The following ENPEP variants were observed in gnomAD, a reference collection of about 807,000 sequenced individuals.
The protein encoded by ENPEP is AP-A.
ENPEP carries 103 observed loss-of-function variants against 114.5 expected under a neutral mutation model. The observed-to-expected ratio is 0.90, with a 90% CI of 0.77 to 1.06. The LOEUF is 1.06. Ranked by LOEUF, ENPEP falls within the 50% of genes least tolerant of loss-of-function variation. The pLI, the probability that ENPEP is intolerant of heterozygous loss-of-function variation, is 0.00. For missense variants in ENPEP, 1,196 were observed against 1,161.3 expected (o/e 1.03, Z -0.43); for synonymous variants, 420 against 422.0 (o/e 1.00, Z 0.06).
At position 110,488,661 on chromosome 4, in the gene ENPEP, A is replaced by C. The variant is rs1173502506; in HGVS notation, c.765A>C (p.Ala255=). Residue 255 remains alanine (A), a synonymous_variant, in exon 2 of 20, where the codon GCA becomes GCC. Coordinates refer to ENST00000265162, the MANE Select transcript of ENPEP (RefSeq NM_001977.4). ...ISITHPKEYG[A]LSNMPVAKEE... is the part of the protein sequence containing the mutation. ...TCACCCATCCCAAAGAATACGGAGCACTTTCAAATATGCCAGTGGCGGTAA... is the reference window on the plus strand; with the variant it reads ...TCACCCATCCCAAAGAATACGGAGCCCTTTCAAATATGCCAGTGGCGGTAA... The C allele has an allele frequency of 1.2e-6, 2 of 1,611,084 alleles. No homozygotes were observed. The highest frequency in any genetic ancestry group is 2.7e-5 in the African/African-American group (2 of 74,750).
chr4:110,558,378 C>T (rs534714493), intron 18 of ENPEP, among the ~76,000 whole-genome samples: 37 of 151,518 alleles, frequency 2.4e-4, no homozygotes, highest in Non-Finnish European at 3.7e-4. Flanking sequence ...GCCTCGACCT[C>T]CCCAGTTCAA....
At chr4:110,527,257 C>T (rs1157360781) in intron 10 of ENPEP, among the ~76,000 whole-genome samples, 1 of 152,144 alleles carries the variant, frequency 6.6e-6, no homozygotes, top group Non-Finnish European at 1.5e-5. Context: ...TTGAGAAAGC[C>T]GTTGTACTCA....
chr4:110,493,243 T>C (rs2348427), intron 3 of ENPEP, among the ~76,000 whole-genome samples: 90,759 of 152,022 alleles, frequency 0.6, 27,454 homozygotes, highest in African/African-American at 0.68. Context: ...TTTGAAGTGA[T>C]ATAATGAAAA....
At chr4:110,487,236 T>A (rs927891397) in intron 1 of ENPEP, among the ~76,000 whole-genome samples, 3 of 152,246 alleles carry the variant, frequency 2.0e-5, no homozygotes, top group African/African-American at 7.2e-5. Flanking sequence ...AATTTGTTAG[T>A]CCTGCAAAGG....
In ENPEP at chr4:110,542,741, A is replaced by G. The variant is rs1323905942; in HGVS notation, c.1808-10A>G. On this transcript the variant is annotated splice_polypyrimidine_tract_variant and intron_variant, in intron 11 of 19. Transcript: ENST00000265162. ...ACATGTTGCTCATTAGTGTTTATTT[A>G]CTACTACAGGAATCACTTTGAACTC... The G allele has an allele frequency of 6.2e-7, 1 of 1,604,986 alleles. No homozygotes were observed. Among genetic ancestry groups the G allele is most frequent in the South Asian group, 1.1e-5 (1 of 89,594 alleles).
intron 5 of ENPEP, 95 bp from the exon 6 acceptor site, chr4:110,510,150 A>G: frequency 1.0e-6 from 1 of 1,004,296 alleles, no homozygotes; most frequent in African/African-American, 1.6e-5. Context: ...CACAGTGACA[A>G]CATTGGCACG....
At chr4:110,509,972 T>C (rs963480593) in intron 5 of ENPEP, among the ~76,000 whole-genome samples, 165 bp downstream of exon 5, 1 of 152,250 alleles carries the variant, frequency 6.6e-6, no homozygotes, top group Non-Finnish European at 1.5e-5. Context: ...AAAGAGACTT[T>C]GAACCACATT....
intron 3 of ENPEP, among the ~76,000 whole-genome samples, chr4:110,494,360 T>C (rs547756004): frequency 1.3e-5 from 2 of 152,226 alleles, no homozygotes; most frequent in Non-Finnish European, 2.9e-5. Flanking sequence ...CCTTTATTAC[T>C]TTTTTAGTAA....
chr4:110,560,030 G>C (rs1727627410), intron 19 of ENPEP, among the ~76,000 whole-genome samples: 1 of 152,186 alleles, frequency 6.6e-6, no homozygotes, highest in Non-Finnish European at 1.5e-5. Context: ...ACTTATGAGA[G>C]AGAACATGCG....
At chr4:110,511,003 AC>A (rs1275720375) in intron 6 of ENPEP, among the ~76,000 whole-genome samples, 2 of 152,084 alleles carry the variant, frequency 1.3e-5, no homozygotes, top group Non-Finnish European at 2.9e-5. Flanking sequence ...ACTTTTATGA[AC>A]CCTAAAATTT....
At chr4:110,531,961 T>C (rs935524200) in intron 11 of ENPEP, among the ~76,000 whole-genome samples, 65 of 152,212 alleles carry the variant, frequency 4.3e-4, no homozygotes, top group African/African-American at 1.5e-3. Context: ...GTATTTGGTA[T>C]GGACTTTCAC....
In ENPEP at chr4:110,534,269, G is replaced by A. The variant is rs145342481; in HGVS notation, c.1807+2992G>A. Reference sequence around the variant, plus strand: ...TTCTATTGTATGTGCTATTTTAGGCGTTAAAACAACAACTAAACTCATAAT... The same window carrying A: ...TTCTATTGTATGTGCTATTTTAGGCATTAAAACAACAACTAAACTCATAAT... On this transcript the variant is annotated intron_variant, in intron 11 of 19. Coordinates refer to ENST00000265162, the MANE Select transcript of ENPEP (RefSeq NM_001977.4). Among the ~76,000 whole-genome samples the A allele has an allele frequency of 1.2e-4, 19 of 152,138 alleles. No homozygotes were observed. In the East Asian group the frequency reaches 1.7e-3, roughly 14 times the overall value.
chr4:110,476,408 A>G lies in ENPEP; in HGVS notation c.-7A>G, dbSNP rs1184704710. ...TTTATGTGTAACACTTGACTTTGGA[A>G]GCAAAAATGAACTTTGCGGAGAGAG... On this transcript the variant is annotated 5_prime_UTR_variant, in exon 1 of 20. Coordinates refer to ENST00000265162, the MANE Select transcript of ENPEP (RefSeq NM_001977.4). The G allele has an allele frequency of 1.3e-6, 2 of 1,511,030 alleles. No individual in the cohort carries two copies. Among genetic ancestry groups the G allele is most frequent in the African/African-American group, 1.4e-5 (1 of 71,598 alleles). The allele number at this position is 1,511,030 out of a possible 1,614,324, so 93.6% of individuals were successfully genotyped here.
chr4:110,491,252 T>C (rs1236383241), intron 3 of ENPEP, 88 bp downstream of exon 3: 752 of 1,029,102 alleles, frequency 7.3e-4, no homozygotes, highest in Non-Finnish European at 9.7e-4. Flanking sequence ...TTTTTTTTTT[T>C]CAAACAACAT....
At chr4:110,482,865 C>CG (rs1334249092) in intron 1 of ENPEP, among the ~76,000 whole-genome samples, 2 of 151,896 alleles carry the variant, frequency 1.3e-5, no homozygotes, top group African/African-American at 2.4e-5. Context: ...AAAAATTAGC[C>CG]GGGGGTAGTG....
intron 7 of ENPEP, among the ~76,000 whole-genome samples, chr4:110,514,764 A>G (rs1230989176): frequency 6.6e-6 from 1 of 152,098 alleles, no homozygotes; most frequent in Non-Finnish European, 1.5e-5. Context: ...CAAATTGTGC[A>G]TTTCAGTACT....
chr4:110,532,572 A>G (rs1045754988), intron 11 of ENPEP, among the ~76,000 whole-genome samples: 3 of 152,146 alleles, frequency 2.0e-5, no homozygotes, highest in Admixed American at 1.3e-4. Flanking sequence ...ACATTTGTGT[A>G]TAAGTTTTTC....
intron 8 of ENPEP, among the ~76,000 whole-genome samples, chr4:110,516,664 C>T (rs1270247887): frequency 6.6e-6 from 1 of 152,112 alleles, no homozygotes; most frequent in South Asian, 2.1e-4. Context: ...GGCATTTAGC[C>T]CTCTCTACAC....
chr4:110,520,890 C>A (rs563132321), intron 10 of ENPEP, among the ~76,000 whole-genome samples: 1 of 152,260 alleles, frequency 6.6e-6, no homozygotes, highest in Non-Finnish European at 1.5e-5. Context: ...ACTTTCTCTC[C>A]GCCACCTACC....
Sources: gnomAD v4.1 joint callset for allele counts (sites outside exome capture counted in the v4.1 genomes callset) on GRCh38, gnomAD v4.1.1 for gene constraint, MANE v1.5 for transcripts, NCBI Gene and HGNC (gene_info 2026-07-23, HGNC 2026-07-21) for gene names.